INSL6: variants seen among roughly 807,000 people sequenced by gnomAD.
INSL6 encodes the protein insulin like 6.
Under a neutral mutation model 9.4 loss-of-function variants are expected in INSL6, and 16 were observed. The observed-to-expected ratio is 1.70, with a 90% confidence interval of 1.15 to 2.59. The LOEUF (loss-of-function observed/expected upper bound fraction) is 2.59. INSL6 is among the 30% of genes most tolerant of loss of function. The probability of loss-of-function intolerance (pLI) is 0.00; values close to 1 mark genes in which losing one functional copy is unlikely to be tolerated. For missense variants in INSL6, 391 were observed against 257.3 expected (o/e 1.52, Z -3.56); for synonymous variants, 154 against 96.9 (o/e 1.59, Z -3.46).
chr9:5,023,288 C>G, the INSL6 span, among the ~76,000 whole-genome samples: 1 of 152,158 alleles, frequency 6.6e-6, no homozygotes, highest in Non-Finnish European at 1.5e-5. Flanking sequence ...TTATTTCACT[C>G]GACATAATGA....
chr9:5,007,789 T>A, the INSL6 span, among the ~76,000 whole-genome samples: 112 of 151,982 alleles, frequency 7.4e-4, 1 homozygote, highest in East Asian at 0.014. Flanking sequence ...GTGTGATATC[T>A]GAGCCTTGGC....
chr9:5,062,269 A>T, the INSL6 span, among the ~76,000 whole-genome samples: 1 of 152,080 alleles, frequency 6.6e-6, no homozygotes, highest in Non-Finnish European at 1.5e-5. Flanking sequence ...ATTTTGGTAT[A>T]TGCAGGGGTC....
At chr9:5,111,826 C>G in the INSL6 span, 1 of 415,036 alleles carries the variant, frequency 2.4e-6, no homozygotes, top group Admixed American at 2.8e-5. Flanking sequence ...CGTCTCCAGC[C>G]ACACGCCTGT....
chr9:5,030,156 TTAAA>T, the INSL6 span, among the ~76,000 whole-genome samples: 27 of 152,328 alleles, frequency 1.8e-4, no homozygotes, highest in Admixed American at 1.0e-3. Flanking sequence ...ATGATTATAA[TTAAA>T]TAAGTAAACA....
At chr9:5,140,117 G>C (rs1172574435) in intron 2 of INSL6, among the ~76,000 whole-genome samples, 1 of 152,144 alleles carries the variant, frequency 6.6e-6, no homozygotes, top group Non-Finnish European at 1.5e-5. Flanking sequence ...AGCAGCATTA[G>C]TTATGCATTT....
chr9:5,020,006 T>A, the INSL6 span, among the ~76,000 whole-genome samples: 1 of 152,116 alleles, frequency 6.6e-6, no homozygotes, highest in Non-Finnish European at 1.5e-5. Flanking sequence ...GGCAGTCCAA[T>A]TTTTGGGTCT....
chr9:5,067,358 G>GATTAT, the INSL6 span, among the ~76,000 whole-genome samples: 1 of 152,090 alleles, frequency 6.6e-6, no homozygotes. Flanking sequence ...TCTCATCTAT[G>GATTAT]ATTATATACT....
chr9:5,019,214 A>T, the INSL6 span, among the ~76,000 whole-genome samples: 1 of 152,136 alleles, frequency 6.6e-6, no homozygotes, highest in Non-Finnish European at 1.5e-5. Flanking sequence ...GCTTTATGGT[A>T]TCCCATATGT....
the INSL6 span, among the ~76,000 whole-genome samples, chr9:5,082,378 C>T: frequency 4.6e-5 from 7 of 152,360 alleles, no homozygotes; most frequent in South Asian, 1.0e-3. Flanking sequence ...TTATGCTTCT[C>T]TCCACCCAAA....
At chr9:5,032,393 G>A in the INSL6 span, among the ~76,000 whole-genome samples, 1 of 152,236 alleles carries the variant, frequency 6.6e-6, no homozygotes, top group Non-Finnish European at 1.5e-5. Context: ...CAGCTTTGAA[G>A]AGTAGTGGTT....
the INSL6 span, among the ~76,000 whole-genome samples, chr9:5,025,086 C>CT: frequency 6.6e-6 from 1 of 152,090 alleles, no homozygotes; most frequent in Non-Finnish European, 1.5e-5. Context: ...TGCTGCATAT[C>CT]TTTGCCTATT....
intron 1 of INSL6, among the ~76,000 whole-genome samples, chr9:5,175,810 C>T (rs1446850352): frequency 6.6e-6 from 1 of 152,160 alleles, no homozygotes; most frequent in African/African-American, 2.4e-5. Flanking sequence ...CCATCACCCC[C>T]AGATGGGACC....
intron 2 of INSL6, among the ~76,000 whole-genome samples, chr9:5,142,727 A>C (rs956605264): frequency 6.6e-6 from 1 of 152,186 alleles, no homozygotes; most frequent in African/African-American, 2.4e-5. Flanking sequence ...CAGAACTTCC[A>C]GTACTATGTT....
the INSL6 span, among the ~76,000 whole-genome samples, chr9:5,082,245 T>C: frequency 6.6e-5 from 10 of 152,158 alleles, no homozygotes; most frequent in Admixed American, 5.2e-4. Flanking sequence ...GCAAGAGGAA[T>C]GCGGCAGGAG....
chr9:5,081,736 T>C, the INSL6 span: 22 of 1,595,452 alleles, frequency 1.4e-5, no homozygotes, highest in Non-Finnish European at 1.9e-5. Flanking sequence ...TTATGAACTA[T>C]TAACAGAAAA....
chr9:5,114,292 A>G, the INSL6 span: 6 of 543,190 alleles, frequency 1.1e-5, no homozygotes, highest in East Asian at 2.7e-4. Flanking sequence ...GAGAACGTGA[A>G]GCTGACTTGG....
At chr9:5,172,989 C>T (rs1825216877) in intron 1 of INSL6, among the ~76,000 whole-genome samples, 1 of 151,676 alleles carries the variant, frequency 6.6e-6, no homozygotes, top group South Asian at 2.1e-4. Context: ...AGAAGGCATT[C>T]ATGCAGCCAA....
intron 1 of INSL6, among the ~76,000 whole-genome samples, chr9:5,167,005 C>G (rs566050150): frequency 6.6e-6 from 1 of 152,098 alleles, no homozygotes; most frequent in Non-Finnish European, 1.5e-5. Flanking sequence ...CAGCTCCCAC[C>G]GAAAAGGACA....
the INSL6 span, among the ~76,000 whole-genome samples, chr9:5,083,163 AGCTTTTCTGCCT>A: frequency 1.3e-5 from 2 of 152,092 alleles, no homozygotes; most frequent in Non-Finnish European, 2.9e-5. Context: ...GGAATACATA[AGCTTTTCTGCCT>A]GCCTTTCTGC....
Sources: gnomAD v4.1 joint callset for allele counts (sites outside exome capture counted in the v4.1 genomes callset) on GRCh38, gnomAD v4.1.1 for gene constraint, MANE v1.5 for transcripts, NCBI Gene and HGNC (gene_info 2026-07-23, HGNC 2026-07-21) for gene names.